HIC1: variants seen among roughly 807,000 people sequenced by gnomAD.
HIC1 encodes the protein hypermethylated in cancer 1 protein.
HIC1 carries 9 observed loss-of-function variants against 26.4 expected under a neutral mutation model. The observed-to-expected ratio is 0.34, with a 90% CI of 0.21 to 0.59. HIC1 has a LOEUF of 0.59. Among genes scored for constraint, HIC1 ranks in the 20% least tolerant of loss-of-function variants. The probability of loss-of-function intolerance (pLI) is 0.82; values close to 1 mark genes in which losing one functional copy is unlikely to be tolerated. For synonymous variants in HIC1, 631 were observed against 523.1 expected, an observed-to-expected ratio of 1.21 and a Z score of -2.81; for missense variants, 965 against 1,075.7, an observed-to-expected ratio of 0.90 and a Z score of 1.44.
chr17:2,059,977 C>G lies in HIC1; in HGVS notation c.*1142C>G, dbSNP rs1301441815. ...GGGGAGAGAATCTTAAAGGAGAGGC[C>G]GGGGACCCTGTACTCCAAAGAGCCC... On this transcript the variant is annotated 3_prime_UTR_variant, in exon 2 of 2. Coordinates refer to ENST00000619757, the MANE Select transcript of HIC1 (RefSeq NM_006497.4). 6.6e-6 allele frequency: 1 copy of G among 152,274 alleles called. No homozygotes were observed. Among genetic ancestry groups the G allele is most frequent in the Non-Finnish European group, 1.5e-5 (1 of 68,074 alleles). 9.4% of individuals were successfully genotyped at this position (152,274 alleles called of 1,614,324 possible). A position where few individuals can be genotyped will look rare whatever the true frequency, so the allele number is the denominator to read the frequency against.
chr17:2,057,118 G>T lies in HIC1; in HGVS notation c.428G>T (p.Gly143Val). The T allele has an allele frequency of 7.6e-7, 1 of 1,311,062 alleles. No individual in the cohort carries two copies. Among genetic ancestry groups the T allele is most frequent in the South Asian group, 2.3e-5 (1 of 43,492 alleles). 81.2% of individuals were successfully genotyped at this position (1,311,062 alleles called of 1,614,324 possible). The change falls in exon 2 of 2, where the codon GGC (glycine) becomes GTC (valine). Residue 143 changes from glycine (G) to valine (V), a missense_variant. By Grantham distance (109) the Gly-to-Val change is moderately radical. Around this residue, in one of 6 missense-constraint regions of HIC1, gnomAD observed 526 missense variants for 525.0 expected, o/e 1.00. Transcript: ENST00000619757. Reference protein sequence around the residue: ...HGKYCHLRGGGGGGGGYAPYG... With the variant: ...HGKYCHLRGGVGGGGGYAPYG... ...AAGTACTGCCACCTGCGGGGCGGCG[G>T]CGGCGGCGGCGGCGGCTACGCGCCC...
chr17:2,057,645 C>T lies in HIC1; in HGVS notation c.955C>T (p.Leu319=). The change falls in exon 2 of 2, where the codon CTG becomes TTG. Residue 319 remains leucine, a synonymous_variant. Transcript: ENST00000619757. ...LYRWMKHEPG[L]GSYGDELGRE... is the part of the protein sequence containing the mutation. ...TCGCTGGATGAAGCACGAGCCGGGC[C>T]TGGGTAGCTATGGCGACGAGCTGGG... 6.6e-7 allele frequency: 1 copy of T among 1,516,508 alleles called. No individual in the cohort carries two copies. The highest frequency in any genetic ancestry group is 2.7e-5 in the East Asian group (1 of 36,568). The allele number at this position is 1,516,508 out of a possible 1,614,324, so 93.9% of individuals were successfully genotyped here.
Position 2,061,574 on chromosome 17 carries a change from C to T in HIC1, c.*2739C>T. The T allele has an allele frequency of 6.4e-7, 1 of 1,572,696 alleles. No individual in the cohort carries two copies. The highest frequency in any genetic ancestry group is 8.6e-7 in the Non-Finnish European group (1 of 1,158,730). On this transcript the variant is annotated 3_prime_UTR_variant, in exon 2 of 2. Transcript: ENST00000619757. ...TGTGAGCGCCTTCACACGCAGGTTC[C>T]GGTCATCCGTCAACAGCACCACCTC...
chr17:2,056,594 A>G (rs2067674706), intron 1 of HIC1, 77 bp from the exon 2 acceptor site: 1 of 1,457,908 alleles, frequency 6.9e-7, no homozygotes, highest in Non-Finnish European at 9.1e-7. Context: ...GGGGAAGTGG[A>G]GGGGAGAAGT....
At position 2,061,947 on chromosome 17, in the gene HIC1, C is replaced by T. The variant is rs2151377590; in HGVS notation, c.*3112C>T. 4.5e-6 allele frequency: 1 copy of T among 223,564 alleles called. No homozygotes were observed. Among genetic ancestry groups the T allele is most frequent in the South Asian group, 7.2e-5 (1 of 13,864 alleles). 13.8% of individuals were successfully genotyped at this position (223,564 alleles called of 1,614,324 possible). A position where few individuals can be genotyped will look rare whatever the true frequency, so the allele number is the denominator to read the frequency against. On this transcript the variant is annotated 3_prime_UTR_variant, in exon 2 of 2. Coordinates refer to ENST00000619757, the MANE Select transcript of HIC1 (RefSeq NM_006497.4). ...TAGAAGCAGCCCCTTGACCTCTACTCCTTTTTACCACATGGCTGGCCCCCA... is the reference window on the plus strand; with the variant it reads ...TAGAAGCAGCCCCTTGACCTCTACTTCTTTTTACCACATGGCTGGCCCCCA...
chr17:2,060,976 C>T lies in HIC1; in HGVS notation c.*2141C>T, dbSNP rs1045524. On this transcript the variant is annotated 3_prime_UTR_variant, in exon 2 of 2. Transcript: ENST00000619757. ...TGGGTTCATGGGCGAGTCCAGGCCT[C>T]AGGGAGACTGGGGACACACACCCTG... The T allele has an allele frequency of 2.3e-4, 36 of 155,178 alleles. No individual in the cohort carries two copies. The highest frequency in any genetic ancestry group is 5.0e-4 in the Non-Finnish European group (35 of 69,726). The allele number at this position is 155,178 out of a possible 1,614,324, so 9.6% of individuals were successfully genotyped here. A position where few individuals can be genotyped will look rare whatever the true frequency, so the allele number is the denominator to read the frequency against.
At chr17:2,056,273 C>G in intron 1 of HIC1, 1 of 1,593,952 alleles carries the variant, frequency 6.3e-7, no homozygotes, top group South Asian at 1.1e-5. Flanking sequence ...TTCCTCGGCT[C>G]CCTTTCTCCC....
chr17:2,057,236 G>A lies in HIC1; in HGVS notation c.546G>A (p.Ala182=). 7.0e-7 allele frequency: 1 copy of A among 1,422,216 alleles called. No homozygotes were observed. The highest frequency in any genetic ancestry group is 1.5e-5 in the African/African-American group (1 of 66,536). The allele number at this position is 1,422,216 out of a possible 1,614,324, so 88.1% of individuals were successfully genotyped here. A position where few individuals can be genotyped will look rare whatever the true frequency, so the allele number is the denominator to read the frequency against. Reference sequence around the variant, plus strand: ...TCGGGCCTCCGCCGCCGCCTGCCGCGGAGCCGCCCTCGGGCCCAGAGGCCG... The same window carrying A: ...TCGGGCCTCCGCCGCCGCCTGCCGCAGAGCCGCCCTCGGGCCCAGAGGCCG... ...SPVGPPPPPA[A]EPPSGPEAAV... Residue 182 remains alanine (A), a synonymous_variant, in exon 2 of 2, where the codon GCG becomes GCA. Coordinates refer to ENST00000619757, the MANE Select transcript of HIC1 (RefSeq NM_006497.4).
At position 2,057,376 on chromosome 17, in the gene HIC1, G is replaced by A. The variant is rs1219746423; in HGVS notation, c.686G>A (p.Ser229Asn). ...PLCGLDLSKKSPPGSAAPERP... is the reference protein window; with the variant it reads ...PLCGLDLSKKNPPGSAAPERP... ...TGTGGCCTGGACCTGTCCAAGAAGA[G>A]CCCGCCGGGCTCCGCGGCGCCAGAG... Residue 229 changes from serine (S) to asparagine (N), a missense_variant, in exon 2 of 2, where the codon AGC becomes AAC. Ser to Asn is a conservative substitution (Grantham distance 46, BLOSUM62 1). This residue lies in a region of HIC1 where 526 missense variants were observed against 525.0 expected (regional missense o/e 1.00). Transcript: ENST00000619757. The A allele has an allele frequency of 4.8e-6, 7 of 1,453,024 alleles. No individual in the cohort carries two copies. The highest frequency in any genetic ancestry group is 6.3e-6 in the Non-Finnish European group (7 of 1,109,890). 90.0% of individuals were successfully genotyped at this position (1,453,024 alleles called of 1,614,324 possible). A position where few individuals can be genotyped will look rare whatever the true frequency, so the allele number is the denominator to read the frequency against.
At position 2,061,588 on chromosome 17, in the gene HIC1, C is replaced by T. The variant is rs960617013; in HGVS notation, c.*2753C>T. 3 of 1,572,910 alleles carry T rather than the reference C, an allele frequency of 1.9e-6. No homozygotes were observed. Among genetic ancestry groups the T allele is most frequent in the Non-Finnish European group, 1.7e-6 (2 of 1,158,814 alleles). ...CACGCAGGTTCCGGTCATCCGTCAA[C>T]AGCACCACCTCCCGCAGTAGCCGGA... On this transcript the variant is annotated 3_prime_UTR_variant, in exon 2 of 2. Transcript: ENST00000619757.
Position 2,058,216 on chromosome 17 carries a change from C to T in HIC1, c.1526C>T (p.Thr509Met), listed in dbSNP as rs751785211. The T allele has an allele frequency of 6.2e-7, 1 of 1,611,698 alleles. No individual in the cohort carries two copies. The highest frequency in any genetic ancestry group is 1.3e-5 in the African/African-American group (1 of 75,054). Residue 509 changes from threonine to methionine, a missense_variant, in exon 2 of 2, where the codon ACG becomes ATG. This residue lies in a region of HIC1 where 105 missense variants were observed against 101.4 expected (regional missense o/e 1.04). Coordinates refer to ENST00000619757, the MANE Select transcript of HIC1 (RefSeq NM_006497.4). ...GCCACGCTGCGGCAGCACGAGAAGA[C>T]GCACTGGCTGACCCGGCCCTACCCA... ...DPATLRQHEKTHWLTRPYPCT... is the reference protein window; with the variant it reads ...DPATLRQHEKMHWLTRPYPCT...
rs2067710399 is a variant in HIC1 at position 2,059,313 on chromosome 17, A to G, written c.*478A>G. On this transcript the variant is annotated 3_prime_UTR_variant, in exon 2 of 2. Transcript: ENST00000619757. ...CTGAGCCGGCCGGAGGGCCCCCCGC[A>G]CCCCCGCTCCCACCCACCCCGGGAC... The G allele has an allele frequency of 6.2e-6, 1 of 161,794 alleles. No individual in the cohort carries two copies. The highest frequency in any genetic ancestry group is 6.9e-5 in the Admixed American group (1 of 14,538). 10.0% of individuals were successfully genotyped at this position (161,794 alleles called of 1,614,324 possible).
rs957944873 is a variant in HIC1, at chr17:2,061,026, A to G, written c.*2191A>G. On this transcript the variant is annotated 3_prime_UTR_variant, in exon 2 of 2. Transcript: ENST00000619757. The stretch of plus-strand genomic sequence containing the variant: ...GGGCACTTCTTCCTGACTTAACCAA[A>G]GCCTCTTGAACACATTCACGACAGA... 1.9e-5 allele frequency: 3 copies of G among 156,946 alleles called. No homozygotes were observed. Among genetic ancestry groups the G allele is most frequent in the African/African-American group, 7.2e-5 (3 of 41,496 alleles). The allele number at this position is 156,946 out of a possible 1,614,324, so 9.7% of individuals were successfully genotyped here. A position where few individuals can be genotyped will look rare whatever the true frequency, so the allele number is the denominator to read the frequency against.
Position 2,056,712 on chromosome 17 carries a change from C to G in HIC1, c.22C>G (p.Pro8Ala), listed in dbSNP as rs1567556211. Residue 8 changes from proline to alanine, a missense_variant, in exon 2 of 2, where the codon CCC becomes GCC. Transcript: ENST00000619757. ...GACGATGCTGGACACGATGGAGGCG[C>G]CCGGCCACTCCAGGCAGCTGCTGCT... is the stretch of plus-strand genomic sequence containing the variant. Reference protein sequence around the residue: MLDTMEAPGHSRQLLLQL... With the variant: MLDTMEAAGHSRQLLLQL... 6.2e-7 allele frequency: 1 copy of G among 1,605,608 alleles called. No homozygotes were observed. Among genetic ancestry groups the G allele is most frequent in the Non-Finnish European group, 8.5e-7 (1 of 1,175,852 alleles).
Position 2,058,760 on chromosome 17 carries a change from C to A in HIC1, c.2070C>A (p.Ala690=), listed in dbSNP as rs558063195. Residue 690 remains alanine, a synonymous_variant, in exon 2 of 2, where the codon GCC becomes GCA. Coordinates refer to ENST00000619757, the MANE Select transcript of HIC1 (RefSeq NM_006497.4). ...AELGLSPDKA[A]EVLSQGAHLA... is the part of the protein sequence containing the mutation. ...TGGGCCTCAGCCCCGACAAGGCGGC[C>A]GAGGTGCTGAGCCAGGGCGCTCACC... 6.6e-7 allele frequency: 1 copy of A among 1,524,522 alleles called. No individual in the cohort carries two copies. The highest frequency in any genetic ancestry group is 8.8e-7 in the Non-Finnish European group (1 of 1,140,602). 94.4% of individuals were successfully genotyped at this position (1,524,522 alleles called of 1,614,324 possible). A position where few individuals can be genotyped will look rare whatever the true frequency, so the allele number is the denominator to read the frequency against.
rs780755971 is a variant in HIC1, at chr17:2,057,024, G to T, written c.334G>T (p.Ala112Ser). 5 of 1,487,730 alleles carry T rather than the reference G, an allele frequency of 3.4e-6. No homozygotes were observed. The highest frequency in any genetic ancestry group is 4.5e-6 in the Non-Finnish European group (5 of 1,123,592). 92.2% of individuals were successfully genotyped at this position (1,487,730 alleles called of 1,614,324 possible). A position where few individuals can be genotyped will look rare whatever the true frequency, so the allele number is the denominator to read the frequency against. Residue 112 changes from alanine (A) to serine (S), a missense_variant, in exon 2 of 2, where the codon GCC (alanine) becomes TCC (serine). This residue lies in a region of HIC1 where 526 missense variants were observed against 525.0 expected (regional missense o/e 1.00). Coordinates refer to ENST00000619757, the MANE Select transcript of HIC1 (RefSeq NM_006497.4). ...TGAGCCGAGCCTGGGCGCCGTGCTG[G>T]CCGCCGCCAGCTACCTGCAGATCCC... ...GAEPSLGAVLAAASYLQIPDL... is the reference protein window; with the variant it reads ...GAEPSLGAVLSAASYLQIPDL...
rs776821926 is a variant in HIC1, at chr17:2,058,615, G to A, written c.1925G>A (p.Ser642Asn). The change falls in exon 2 of 2, where the codon AGC becomes AAC. Residue 642 changes from serine (S) to asparagine (N), a missense_variant. Ser to Asn is a conservative substitution (Grantham distance 46). Transcript: ENST00000619757. ...AVARLTAEQL[S>N]LKQQDKAAAA... ...GCTCGCCTCACGGCCGAGCAGCTGA[G>A]CCTGAAGCAGCAGGACAAGGCGGCC... The A allele has an allele frequency of 4.4e-5, 68 of 1,559,960 alleles. No homozygotes were observed. Among genetic ancestry groups the A allele is most frequent in the Non-Finnish European group, 5.1e-5 (59 of 1,160,734 alleles).
chr17:2,057,034 G>C lies in HIC1; in HGVS notation c.344G>C (p.Ser115Thr), dbSNP rs772643992. 1.2e-5 allele frequency: 18 copies of C among 1,490,272 alleles called. No individual in the cohort carries two copies. Among genetic ancestry groups the C allele is most frequent in the Middle Eastern group, 1.8e-4 (1 of 5,474 alleles). The allele number at this position is 1,490,272 out of a possible 1,614,324, so 92.3% of individuals were successfully genotyped here. A position where few individuals can be genotyped will look rare whatever the true frequency, so the allele number is the denominator to read the frequency against. The change falls in exon 2 of 2, where the codon AGC becomes ACC. Residue 115 changes from serine to threonine, a missense_variant. Physicochemically the swap from Ser to Thr is moderately conservative, Grantham distance 58 (BLOSUM62 1). Transcript: ENST00000619757. Reference protein sequence around the residue: ...PSLGAVLAAASYLQIPDLVAL... With the variant: ...PSLGAVLAAATYLQIPDLVAL... ...CTGGGCGCCGTGCTGGCCGCCGCCAGCTACCTGCAGATCCCCGACCTCGTG... is the reference window on the plus strand; with the variant it reads ...CTGGGCGCCGTGCTGGCCGCCGCCACCTACCTGCAGATCCCCGACCTCGTG...
chr17:2,056,322 G>T, intron 1 of HIC1: 1 of 1,613,640 alleles, frequency 6.2e-7, no homozygotes, highest in Non-Finnish European at 8.5e-7. Flanking sequence ...GACTTTTCCT[G>T]AAGCGGACAT....
Sources: allele counts gnomAD v4.1 joint callset, GRCh38; gene constraint gnomAD v4.1.1; regional missense constraint gnomAD v4.1.1; transcripts MANE v1.5; gene names NCBI Gene and HGNC (gene_info 2026-07-23, HGNC 2026-07-21).